ERMP1: variants seen among roughly 807,000 people sequenced by gnomAD.
ERMP1 encodes the protein endoplasmic reticulum metallopeptidase 1, also known as Felix-ina.
A neutral mutation model predicts 92.0 loss-of-function variants in ERMP1; 86 were observed. The observed-to-expected ratio is 0.93, with a 90% confidence interval of 0.79 to 1.12. The LOEUF is 1.12. Among genes scored for constraint, ERMP1 ranks in the 50% most tolerant of loss-of-function variants. ERMP1 has a pLI of 0.00. For synonymous variants in ERMP1, 530 were observed against 412.8 expected (o/e 1.28, Z -3.44); for missense variants, 1,342 against 1,116.3 (o/e 1.20, Z -2.88).
chr9:5,848,381 A>G (rs1830264948), intron 6 of ERMP1, among the ~76,000 whole-genome samples: 1 of 152,218 alleles, frequency 6.6e-6, no homozygotes, highest in Non-Finnish European at 1.5e-5. Flanking sequence ...ATCTGCGCCT[A>G]GAACCCTCAG....
intron 13 of ERMP1, among the ~76,000 whole-genome samples, chr9:5,788,073 T>C (rs1185071723): frequency 2.0e-5 from 3 of 152,232 alleles, no homozygotes; most frequent in Non-Finnish European, 4.4e-5. Flanking sequence ...TCTGAAAATT[T>C]AGTCATCACT....
rs372436230 is a variant in ERMP1, at chr9:5,858,790, G to A, written n.3199+678C>T. Reference sequence around the variant, plus strand: ...AATGCACACACTCTCCCAGTTCAACGTCAAGTAGTCATGCTCCATAGAAGC... The same window carrying A: ...AATGCACACACTCTCCCAGTTCAACATCAAGTAGTCATGCTCCATAGAAGC... On this transcript the variant is annotated intron_variant and non_coding_transcript_variant, in intron 6 of 6. Coordinates refer to the ERMP1 transcript ENST00000690753. 2.8e-4 allele frequency among the ~76,000 whole-genome samples: 42 copies of A among 152,290 alleles called. 1 individual carries two copies. Among genetic ancestry groups the A allele is most frequent in the South Asian group, 1.5e-3 (7 of 4,824 alleles).
chr9:5,848,901 G>T (rs1441560287), intron 6 of ERMP1, among the ~76,000 whole-genome samples: 1 of 152,152 alleles, frequency 6.6e-6, no homozygotes, highest in East Asian at 1.9e-4. Flanking sequence ...GAAAGAGGAG[G>T]GACCTATGTG....
intron 6 of ERMP1, among the ~76,000 whole-genome samples, chr9:5,843,887 T>C (rs1830200779): frequency 6.6e-6 from 1 of 152,070 alleles, no homozygotes; most frequent in South Asian, 2.1e-4. Flanking sequence ...TGCAGCTGTA[T>C]TTACTCTTCT....
intron 11 of ERMP1, among the ~76,000 whole-genome samples, chr9:5,800,671 A>G (rs1342621706): frequency 6.6e-6 from 1 of 152,108 alleles, no homozygotes; most frequent in Non-Finnish European, 1.5e-5. Flanking sequence ...CCAAGACTCC[A>G]TTTTAAAAAA....
intron 6 of ERMP1, among the ~76,000 whole-genome samples, chr9:5,844,856 G>A (rs1830215892): frequency 6.6e-6 from 1 of 152,194 alleles, no homozygotes; most frequent in South Asian, 2.1e-4. Context: ...ATCTGCTACA[G>A]AAACAAAAGT....
intron 13 of ERMP1, among the ~76,000 whole-genome samples, 182 bp downstream of exon 13, chr9:5,797,635 G>A (rs1057235943): frequency 4.2e-5 from 6 of 144,536 alleles, no homozygotes; most frequent in East Asian, 2.1e-4. Context: ...GCGACAGAGC[G>A]AGACTCCATC....
chr9:5,794,946 C>T (rs1254615208), intron 13 of ERMP1, among the ~76,000 whole-genome samples: 1 of 152,108 alleles, frequency 6.6e-6, no homozygotes. Context: ...AACAACAATA[C>T]AAGAAAACTA....
chr9:5,861,555 A>G (rs2129782725), intron 5 of ERMP1, among the ~76,000 whole-genome samples: 1 of 152,100 alleles, frequency 6.6e-6, no homozygotes, highest in Middle Eastern at 3.4e-3. Context: ...TCTCACTAAG[A>G]AGTGGACAGT....
chr9:5,791,009 G>C (rs771036892), intron 13 of ERMP1, among the ~76,000 whole-genome samples: 16 of 152,098 alleles, frequency 1.1e-4, no homozygotes, highest in Non-Finnish European at 2.1e-4. Flanking sequence ...AAGTAGGCAA[G>C]GGGAAAAGTG....
At chr9:5,839,725 T>A (rs1464061106) in intron 6 of ERMP1, among the ~76,000 whole-genome samples, 1 of 152,176 alleles carries the variant, frequency 6.6e-6, no homozygotes, top group Non-Finnish European at 1.5e-5. Flanking sequence ...TCGGGCTGCA[T>A]GACCTTCTTC....
chr9:5,789,704 AG>A (rs1828093696), intron 13 of ERMP1, among the ~76,000 whole-genome samples: 1 of 151,964 alleles, frequency 6.6e-6, no homozygotes, highest in Non-Finnish European at 1.5e-5. Context: ...GCGTGAACAC[AG>A]CAGCCCACTG....
chr9:5,841,614 A>C (rs1174855702), intron 6 of ERMP1, among the ~76,000 whole-genome samples: 1 of 152,186 alleles, frequency 6.6e-6, no homozygotes, highest in East Asian at 1.9e-4. Flanking sequence ...CCTCGCCAAC[A>C]TAGTGAAACC....
chr9:5,798,797 T>C lies in ERMP1; in HGVS notation c.2270+9A>G. Reference sequence around the variant, plus strand: ...AAACTAACCTTAAGCAGAAAAATAATGAACCAACCTGATCAGAAAGTGCAC... The same window carrying C: ...AAACTAACCTTAAGCAGAAAAATAACGAACCAACCTGATCAGAAAGTGCAC... On this transcript the variant is annotated intron_variant, in intron 12 of 14. Transcript: ENST00000339450. 6.2e-7 allele frequency: 1 copy of C among 1,602,876 alleles called. No homozygotes were observed. The highest frequency in any genetic ancestry group is 1.1e-5 in the South Asian group (1 of 90,726).
chr9:5,827,877 C>G (rs1213188024), intron 2 of ERMP1, among the ~76,000 whole-genome samples: 1 of 151,884 alleles, frequency 6.6e-6, no homozygotes, highest in African/African-American at 2.4e-5. Context: ...ACTCGGGAGG[C>G]TGAGGCAAGA....
intron 4 of ERMP1, among the ~76,000 whole-genome samples, chr9:5,818,854 C>T (rs190668586): frequency 6.6e-6 from 1 of 152,304 alleles, no homozygotes; most frequent in Non-Finnish European, 1.5e-5. Flanking sequence ...TGCCAAAATG[C>T]ACATCTACAT....
rs760903315 is a variant in ERMP1, at chr9:5,801,227, A to G, written c.2016T>C (p.Phe672=). The G allele has an allele frequency of 6.2e-7, 1 of 1,613,530 alleles. No individual in the cohort carries two copies. The highest frequency in any genetic ancestry group is 1.1e-5 in the South Asian group (1 of 90,968). ...GATTAGCAGGATTGGAGCTATATGG[A>G]AAAAATGTTCCACTGCAAACAAGGA... ...TFLLVCSGTF[F]PYSSNPANPK... is the part of the protein sequence containing the mutation. Residue 672 remains phenylalanine, a synonymous_variant, in exon 11 of 15, where the codon TTT becomes TTC. Transcript: ENST00000339450.
At chr9:5,831,088 A>T (rs1829921151) in intron 1 of ERMP1, 60 bp from the exon 2 acceptor site, 6 of 1,414,384 alleles carry the variant, frequency 4.2e-6, no homozygotes, top group Non-Finnish European at 5.9e-6. Flanking sequence ...TAGCGTGGGT[A>T]ACTTTTCCAC....
chr9:5,828,825 T>C (rs1045771007), intron 2 of ERMP1, among the ~76,000 whole-genome samples: 2 of 152,216 alleles, frequency 1.3e-5, no homozygotes, highest in Non-Finnish European at 2.9e-5. Flanking sequence ...CTAATTCTTG[T>C]ATATACAGCC....
Sources: allele counts gnomAD v4.1 joint callset (sites outside exome capture counted in the v4.1 genomes callset), GRCh38; gene constraint gnomAD v4.1.1; transcripts MANE v1.5; gene names NCBI Gene and HGNC (gene_info 2026-07-23, HGNC 2026-07-21).